NCOR2: variants seen among roughly 807,000 people sequenced by gnomAD.
NCOR2 encodes nuclear receptor corepressor 2.
NCOR2 carries 81 observed loss-of-function variants against 262.9 expected under a neutral mutation model. The ratio of observed to expected loss-of-function variants is 0.31; its 90% confidence interval spans 0.26 to 0.37. NCOR2 has a LOEUF of 0.37. NCOR2 is among the 10% of genes least tolerant of loss of function. NCOR2 has a pLI of 1.00. For synonymous variants in NCOR2, 1,659 were observed against 1,559.3 expected, an observed-to-expected ratio of 1.06 and a Z score of -1.51; for missense variants, 3,385 against 3,621.4, an observed-to-expected ratio of 0.93 and a Z score of 1.68.
In NCOR2 at chr12:124,388,917, C is replaced by T. The variant is rs2041051757; in HGVS notation, c.1877-3030G>A. On this transcript the variant is annotated intron_variant, in intron 16 of 46. Transcript: ENST00000405201. ...GGGAGCGAGGGAGGGAGGGACGCGG[C>T]GGGCGGAGGCTGGCTCGAGAGGGGC... 3.4e-5 allele frequency: 8 copies of T among 237,694 alleles called. 1 individual carries two copies. In the South Asian group the frequency reaches 4.1e-4, roughly 12 times the overall value. The allele number at this position is 237,694 out of a possible 1,614,324, so 14.7% of individuals were successfully genotyped here. A position where few individuals can be genotyped will look rare whatever the true frequency, so the allele number is the denominator to read the frequency against.
intron 22 of NCOR2, among the ~76,000 whole-genome samples, chr12:124,357,915 G>A (rs200309282): frequency 2.5e-4 from 37 of 146,362 alleles, no homozygotes; most frequent in Non-Finnish European, 4.8e-4. Flanking sequence ...GTGTGTGTGC[G>A]TGCGCACGTG....
chr12:124,461,487 G>C (rs1273765607), intron 5 of NCOR2, among the ~76,000 whole-genome samples: 1 of 152,256 alleles, frequency 6.6e-6, no homozygotes, highest in East Asian at 1.9e-4. Flanking sequence ...AAAAGCCTAG[G>C]AGCTGTGCTG....
At chr12:124,363,840 G>T in intron 20 of NCOR2, 41 bp from the exon 23 acceptor site, 1 of 1,319,658 alleles carries the variant, frequency 7.6e-7, no homozygotes, top group Non-Finnish European at 9.7e-7. Context: ...GCCCACAGCC[G>T]GACTCTCCCA....
At position 124,334,451 on chromosome 12, in the gene NCOR2, C is replaced by A. The variant is rs771019226; in HGVS notation, c.6578G>T (p.Gly2193Val). 9 of 1,499,970 alleles carry A rather than the reference C, an allele frequency of 6.0e-6. No homozygotes were observed. In the East Asian group the frequency reaches 1.9e-4, roughly 31 times the overall value. 92.9% of individuals were successfully genotyped at this position (1,499,970 alleles called of 1,614,324 possible). A position where few individuals can be genotyped will look rare whatever the true frequency, so the allele number is the denominator to read the frequency against. ...CTTGCCCCCTTCGCTGTGGGGGGAG[C>A]CACGGGCCGGGGCACCATGGTCCGG... Residue 2193 changes from glycine to valine, a missense_variant, in exon 41 of 47, where the codon GGC becomes GTC. Transcript: ENST00000405201.
At position 124,458,627 on chromosome 12, in the gene NCOR2, C is replaced by T. The variant is rs577888132; in HGVS notation, c.706-1465G>A. Among the ~76,000 whole-genome samples the T allele has an allele frequency of 2.0e-5, 3 of 152,344 alleles. No individual in the cohort carries two copies. In the South Asian group the frequency reaches 6.2e-4, roughly 32 times the overall value. ...CGGTGTGTTCTTAACATGTCAATTGCGCATAAGCGCCATGGGAGGTACAGG... is the reference window on the plus strand; with the variant it reads ...CGGTGTGTTCTTAACATGTCAATTGTGCATAAGCGCCATGGGAGGTACAGG... On this transcript the variant is annotated intron_variant, in intron 5 of 46. Transcript: ENST00000405201.
chr12:124,325,129 G>A (rs1471837752), exon 47 of NCOR2: 4 of 288,968 alleles, frequency 1.4e-5, no homozygotes, highest in Non-Finnish European at 2.6e-5. Flanking sequence ...CACGCCTGCC[G>A]TGCCCCCTCC....
chr12:124,477,687 T>C (rs1254187778), intron 3 of NCOR2, among the ~76,000 whole-genome samples: 1 of 152,218 alleles, frequency 6.6e-6, no homozygotes, highest in Non-Finnish European at 1.5e-5. Context: ...CCCCTGGTGC[T>C]GGGTTTCCCA....
chr12:124,447,000 C>T (rs1355504774), intron 7 of NCOR2, among the ~76,000 whole-genome samples: 1 of 152,124 alleles, frequency 6.6e-6, no homozygotes, highest in Non-Finnish European at 1.5e-5. Context: ...CTGCAACCTC[C>T]ATCTTCCAGG....
intron 3 of NCOR2, among the ~76,000 whole-genome samples, chr12:124,479,788 G>C (rs1048509082): frequency 2.6e-5 from 4 of 152,254 alleles, no homozygotes; most frequent in African/African-American, 9.6e-5. Flanking sequence ...AGGGAGACCA[G>C]AGGGGAGACC....
At chr12:124,403,292 G>C (rs964090609) in intron 13 of NCOR2, among the ~76,000 whole-genome samples, 3 of 152,138 alleles carry the variant, frequency 2.0e-5, no homozygotes, top group African/African-American at 7.2e-5. Context: ...GCACCCCAGG[G>C]GGACAGAACA....
At position 124,457,603 on chromosome 12, in the gene NCOR2, G is replaced by A. The variant is rs1318435226; in HGVS notation, c.706-441C>T. On this transcript the variant is annotated intron_variant, in intron 5 of 46. Transcript: ENST00000405201. This position sits in a 1 kb window ranked among gnomAD's most constrained non-coding sequence, Gnocchi z 4.0. ...CCAGCGAGGGAAGGAGGAGGAGGAG[G>A]AGGAGGGAGGGTGAGATAGAGGCGC... 2.6e-5 allele frequency among the ~76,000 whole-genome samples: 4 copies of A among 152,156 alleles called. No homozygotes were observed. In the East Asian group the frequency reaches 7.7e-4, roughly 29 times the overall value.
intron 13 of NCOR2, among the ~76,000 whole-genome samples, chr12:124,415,849 C>T (rs933167141): frequency 2.0e-5 from 3 of 152,084 alleles, no homozygotes; most frequent in African/African-American, 7.2e-5. Flanking sequence ...CCCAGCCTGG[C>T]CCCAGACATC....
intron 1 of NCOR2, among the ~76,000 whole-genome samples, chr12:124,554,905 A>G (rs1177518419): frequency 1.3e-5 from 2 of 152,200 alleles, no homozygotes; most frequent in Admixed American, 6.5e-5. Flanking sequence ...GGTGACCCGG[A>G]GGGGAATGGG....
chr12:124,479,401 G>A (rs541025572), intron 3 of NCOR2, among the ~76,000 whole-genome samples: 28 of 149,824 alleles, frequency 1.9e-4, no homozygotes, highest in Admixed American at 2.6e-4. Context: ...ATGGACACAC[G>A]CACGCACACA....
intron 1 of NCOR2, among the ~76,000 whole-genome samples, chr12:124,509,646 G>GA (rs1280519969): frequency 6.6e-6 from 1 of 152,180 alleles, no homozygotes; most frequent in African/African-American, 2.4e-5. Flanking sequence ...TGGAATGGGA[G>GA]ACCCAGGCCA....
At chr12:124,342,611 G>A (rs550418975) in intron 33 of NCOR2, among the ~76,000 whole-genome samples, 5 of 152,142 alleles carry the variant, frequency 3.3e-5, no homozygotes, top group South Asian at 2.1e-4. Flanking sequence ...CTTGTGATCC[G>A]CCTGCCTCGG....
intron 45 of NCOR2, 93 bp downstream of exon 47, chr12:124,327,316 G>A (rs868805302): frequency 1.2e-5 from 12 of 1,032,856 alleles, no homozygotes; most frequent in East Asian, 2.6e-5. Flanking sequence ...TCCAAAGCTC[G>A]AGGAGGGGGT....
At chr12:124,340,187 C>CGCT in exon 37 of NCOR2, 2 of 1,609,366 alleles carry the variant, frequency 1.2e-6, no homozygotes, top group Non-Finnish European at 1.7e-6. Flanking sequence ...CCGCTGCTGC[C>CGCT]GCTGCTCTGC....
intron 9 of NCOR2, 70 bp from the exon 12 acceptor site, chr12:124,429,776 G>C: frequency 7.2e-7 from 1 of 1,395,418 alleles, no homozygotes; most frequent in Non-Finnish European, 9.8e-7. Context: ...CCCCTGTGGC[G>C]CAGCCCTGAG....
Sources: allele counts gnomAD v4.1 joint callset (sites outside exome capture counted in the v4.1 genomes callset), GRCh38; gene constraint gnomAD v4.1.1; non-coding constraint Gnocchi (gnomAD v3.1); transcripts MANE v1.5; gene names NCBI Gene and HGNC (gene_info 2026-07-23, HGNC 2026-07-21).